The following KCNN3 variants were observed in gnomAD, a reference collection of about 807,000 sequenced individuals.
The protein encoded by KCNN3 is small conductance calcium-activated potassium channel protein 3.
A neutral mutation model predicts 62.9 loss-of-function variants in KCNN3; 16 were observed. The observed-to-expected ratio is 0.25, with a 90% CI of 0.17 to 0.39. KCNN3 has a LOEUF of 0.39. Among genes scored for constraint, KCNN3 ranks in the 10% least tolerant of loss-of-function variants. The probability of loss-of-function intolerance (pLI) is 1.00; values close to 1 mark genes in which losing one functional copy is unlikely to be tolerated. For synonymous variants in KCNN3, 370 were observed against 389.2 expected (o/e 0.95, Z 0.58); for missense variants, 599 against 949.4 (o/e 0.63, Z 4.85).
intron 1 of KCNN3, among the ~76,000 whole-genome samples, chr1:154,845,540 G>A (rs892715163): frequency 1.3e-5 from 2 of 152,220 alleles, no homozygotes; most frequent in Non-Finnish European, 2.9e-5. Context: ...GGACCACTGA[G>A]GCCACCTTGA....
chr1:154,870,244 G>T lies in KCNN3; in HGVS notation c.-280C>A. The T allele has an allele frequency of 1.6e-6, 1 of 618,610 alleles. No individual in the cohort carries two copies. Among genetic ancestry groups the T allele is most frequent in the East Asian group, 3.3e-5 (1 of 30,676 alleles). 38.3% of individuals were successfully genotyped at this position (618,610 alleles called of 1,614,324 possible). ...TCAGGAGGTGGTCCTCTAGGAGCGTGTGAGGCCAGGCTCAGCTTCACTCCT... is the reference window on the plus strand; with the variant it reads ...TCAGGAGGTGGTCCTCTAGGAGCGTTTGAGGCCAGGCTCAGCTTCACTCCT... On this transcript the variant is annotated 5_prime_UTR_variant, in exon 1 of 8. Coordinates refer to ENST00000271915, the MANE Select transcript of KCNN3 (RefSeq NM_002249.6).
intron 4 of KCNN3, 57 bp from the exon 5 acceptor site, chr1:154,726,083 A>T: frequency 7.5e-7 from 1 of 1,335,768 alleles, no homozygotes; most frequent in Non-Finnish European, 1.1e-6. Context: ...AAGAGGCAAG[A>T]TGAGAGACTC....
At chr1:154,714,047 G>A (rs1700135219) in intron 6 of KCNN3, among the ~76,000 whole-genome samples, 1 of 64,426 alleles carries the variant, frequency 1.6e-5, no homozygotes, top group African/African-American at 6.6e-5. Context: ...TGTGGTGTGT[G>A]CGGGGTGTGT....
intron 1 of KCNN3, among the ~76,000 whole-genome samples, chr1:154,839,925 G>A (rs1202743363): frequency 3.3e-5 from 5 of 152,238 alleles, no homozygotes; most frequent in Non-Finnish European, 7.3e-5. Flanking sequence ...GGCAGGGTGG[G>A]CAGAGAGGCC....
intron 3 of KCNN3, among the ~76,000 whole-genome samples, chr1:154,742,360 A>G (rs1350308758): frequency 6.6e-6 from 1 of 152,172 alleles, no homozygotes; most frequent in African/African-American, 2.4e-5. Context: ...AGCTGAACCT[A>G]CAGGTTCCAG....
At chr1:154,815,863 G>A (rs1650642615) in intron 2 of KCNN3, among the ~76,000 whole-genome samples, 2 of 152,066 alleles carry the variant, frequency 1.3e-5, no homozygotes, top group South Asian at 4.2e-4. Flanking sequence ...GTTCTTTCAG[G>A]GGAAGACACC....
rs1702179 is a variant in KCNN3, at chr1:154,788,160, A to T, written c.1030-15767T>A. 9.0e-3 allele frequency among the ~76,000 whole-genome samples: 1,368 copies of T among 152,308 alleles called. 19 individuals are homozygous for T. Among genetic ancestry groups the T allele is most frequent in the African/African-American group, 0.031 (1,286 of 41,562 alleles). On this transcript the variant is annotated intron_variant, in intron 2 of 7. Transcript: ENST00000271915. ...CTGGGATATGAATGACAGGAGCAGCAGCAGCTGCATTTTCTAGTTAGTTCT... is the reference window on the plus strand; with the variant it reads ...CTGGGATATGAATGACAGGAGCAGCTGCAGCTGCATTTTCTAGTTAGTTCT...
At chr1:154,713,620 C>G in intron 6 of KCNN3, 87 bp from the exon 7 acceptor site, 2 of 1,131,828 alleles carry the variant, frequency 1.8e-6, no homozygotes, top group Non-Finnish European at 1.3e-6. Context: ...CTACCACTGC[C>G]TCTGATTTTG....
At chr1:154,792,024 A>G (rs1649540120) in intron 2 of KCNN3, among the ~76,000 whole-genome samples, 1 of 152,232 alleles carries the variant, frequency 6.6e-6, no homozygotes, top group South Asian at 2.1e-4. Context: ...TCAGAGAGGC[A>G]GGTGACACGT....
At chr1:154,810,978 T>C (rs952830540) in intron 2 of KCNN3, among the ~76,000 whole-genome samples, 13 of 152,198 alleles carry the variant, frequency 8.5e-5, no homozygotes, top group African/African-American at 3.1e-4. Flanking sequence ...CCTTCTCTGC[T>C]TCAGTTGCTT....
chr1:154,845,407 A>T (rs927534549), intron 1 of KCNN3, among the ~76,000 whole-genome samples: 2 of 152,196 alleles, frequency 1.3e-5, no homozygotes, highest in Non-Finnish European at 2.9e-5. Context: ...ACCATCAGCC[A>T]GCTCACCGGC....
At chr1:154,740,863 T>C (rs1263762517) in intron 3 of KCNN3, among the ~76,000 whole-genome samples, 1 of 152,248 alleles carries the variant, frequency 6.6e-6, no homozygotes, top group Non-Finnish European at 1.5e-5. Context: ...CTAAAAGTTA[T>C]TTATATATTC....
At chr1:154,761,652 T>A (rs1648019701) in intron 3 of KCNN3, among the ~76,000 whole-genome samples, 1 of 151,556 alleles carries the variant, frequency 6.6e-6, no homozygotes, top group Non-Finnish European at 1.5e-5. Flanking sequence ...AAAGATTGAT[T>A]TTTAGGCCGG....
intron 2 of KCNN3, among the ~76,000 whole-genome samples, chr1:154,780,550 T>A (rs1222605367): frequency 6.9e-6 from 1 of 144,886 alleles, no homozygotes; most frequent in African/African-American, 2.5e-5. Flanking sequence ...GAAGAAAAAA[T>A]TACAGATTTT....
chr1:154,736,946 G>T, intron 3 of KCNN3: 1 of 688,542 alleles, frequency 1.5e-6, no homozygotes, highest in Admixed American at 2.0e-5. Flanking sequence ...CGCTTCTCTG[G>T]TGGGGGCTAC....
intron 5 of KCNN3, among the ~76,000 whole-genome samples, chr1:154,724,851 G>A (rs769452534): frequency 4.8e-4 from 72 of 150,880 alleles, no homozygotes; most frequent in Middle Eastern, 3.5e-3. Context: ...GGCTCTACTA[G>A]AATGATTCTT....
intron 1 of KCNN3, among the ~76,000 whole-genome samples, chr1:154,826,630 T>TA (rs1218687195): frequency 6.6e-6 from 1 of 151,758 alleles, no homozygotes; most frequent in East Asian, 1.9e-4. Flanking sequence ...CGAGGCTTCT[T>TA]AGAGCTGTTC....
At chr1:154,868,866 A>T (rs1450086182) in intron 1 of KCNN3, among the ~76,000 whole-genome samples, 166 bp downstream of exon 1, 1 of 122,178 alleles carries the variant, frequency 8.2e-6, no homozygotes. Context: ...CACCACCACC[A>T]CCTCTCTCTC....
chr1:154,859,603 G>T, intron 1 of KCNN3: 2 of 1,277,274 alleles, frequency 1.6e-6, no homozygotes, highest in African/African-American at 1.5e-5. Flanking sequence ...CAAAGCCACT[G>T]ACAGGTCAGC....
Sources: allele counts gnomAD v4.1 joint callset (sites outside exome capture counted in the v4.1 genomes callset), GRCh38; gene constraint gnomAD v4.1.1; transcripts MANE v1.5; gene names NCBI Gene and HGNC (gene_info 2026-07-23, HGNC 2026-07-21).